DLGAP2: variants seen among roughly 807,000 people sequenced by gnomAD.
DLGAP2 encodes the protein DLG associated protein 2, also known as disks large-associated protein 2.
DLGAP2 carries 26 observed loss-of-function variants against 100.3 expected under a neutral mutation model. The observed-to-expected ratio is 0.26, with a 90% CI of 0.19 to 0.36. The LOEUF (loss-of-function observed/expected upper bound fraction) is 0.36, where lower values mean the gene tolerates loss of function less well. Among genes scored for constraint, DLGAP2 ranks in the 10% least tolerant of loss-of-function variants. The pLI, the probability that DLGAP2 is intolerant of heterozygous loss-of-function variation, is 1.00. For missense variants in DLGAP2, 1,858 were observed against 1,453.2 expected (o/e 1.28, Z -4.53); for synonymous variants, 886 against 630.1 (o/e 1.41, Z -6.08).
Position 1,507,724 on chromosome 8 carries a change from C to T in DLGAP2, c.172+6293C>T, listed in dbSNP as rs144161436. Reference sequence around the variant, plus strand: ...AGAAGGTAGCAGTCCACCCTCCTGTCTCCCAGGCATTCGTTCACCCAGGTC... The same window carrying T: ...AGAAGGTAGCAGTCCACCCTCCTGTTTCCCAGGCATTCGTTCACCCAGGTC... On this transcript the variant is annotated intron_variant, in intron 4 of 14. Coordinates refer to ENST00000637795, the MANE Select transcript of DLGAP2 (RefSeq NM_001346810.2). Among the ~76,000 whole-genome samples, 421 of 151,584 alleles carry T rather than the reference C, an allele frequency of 2.8e-3. 5 individuals are homozygous for T. The highest frequency in any genetic ancestry group is 0.014 in the Middle Eastern group (4 of 292).
At chr8:755,381 C>T (rs905037660) in intron 1 of DLGAP2, among the ~76,000 whole-genome samples, 1 of 152,096 alleles carries the variant, frequency 6.6e-6, no homozygotes, top group African/African-American at 2.4e-5. Context: ...AACACTTGAA[C>T]ACAGGAGGCA....
chr8:995,982 C>A (rs1443224595), intron 2 of DLGAP2, among the ~76,000 whole-genome samples: 2 of 152,120 alleles, frequency 1.3e-5, no homozygotes, highest in East Asian at 3.9e-4. Flanking sequence ...ACCTGAACAT[C>A]CCTCCCTTTT....
intron 2 of DLGAP2, among the ~76,000 whole-genome samples, chr8:1,036,377 T>C (rs1455627892): frequency 2.6e-5 from 4 of 152,112 alleles, no homozygotes; most frequent in African/African-American, 4.8e-5. Flanking sequence ...CCCCGACGTG[T>C]GGTGTGAGGT....
chr8:1,348,420 G>T (rs1019337730), intron 3 of DLGAP2, among the ~76,000 whole-genome samples: 2 of 150,070 alleles, frequency 1.3e-5, no homozygotes, highest in African/African-American at 2.5e-5. Context: ...CATGGTAACT[G>T]TCTGGAGGCT....
intron 4 of DLGAP2, among the ~76,000 whole-genome samples, chr8:1,547,111 A>G (rs1584913027): frequency 6.6e-6 from 1 of 152,008 alleles, no homozygotes; most frequent in Admixed American, 6.5e-5. Context: ...GACATCTACA[A>G]ATGACGGCAG....
intron 8 of DLGAP2, among the ~76,000 whole-genome samples, chr8:1,638,815 T>G (rs1797830499): frequency 6.6e-6 from 1 of 152,180 alleles, no homozygotes; most frequent in Non-Finnish European, 1.5e-5. Flanking sequence ...GCCGTAATGA[T>G]GGCTCCATTT....
intron 2 of DLGAP2, among the ~76,000 whole-genome samples, chr8:1,233,880 C>A (rs749011740): frequency 6.6e-6 from 1 of 152,134 alleles, no homozygotes; most frequent in Non-Finnish European, 1.5e-5. Flanking sequence ...ATGATAGTGT[C>A]ACACGGATGT....
At chr8:1,552,784 C>T (rs1479619299) in intron 5 of DLGAP2, among the ~76,000 whole-genome samples, 2 of 152,192 alleles carry the variant, frequency 1.3e-5, no homozygotes, top group Admixed American at 6.5e-5. Flanking sequence ...TTCATTTTCA[C>T]CCTTGGTTTG....
At chr8:1,482,626 GC>G (rs1388155540) in intron 3 of DLGAP2, among the ~76,000 whole-genome samples, 1 of 152,250 alleles carries the variant, frequency 6.6e-6, no homozygotes, top group Non-Finnish European at 1.5e-5. Flanking sequence ...TGCTCGGCTG[GC>G]TTCTCCCGCC....
intron 4 of DLGAP2, among the ~76,000 whole-genome samples, chr8:1,537,062 TGG>T (rs1298749443): frequency 3.1e-5 from 1 of 32,314 alleles, no homozygotes; most frequent in Non-Finnish European, 5.6e-5. Context: ...GCAGCACCAC[TGG>T]TATGTGGTAT....
At chr8:1,151,472 G>T (rs1374699573) in intron 2 of DLGAP2, among the ~76,000 whole-genome samples, 3 of 152,172 alleles carry the variant, frequency 2.0e-5, no homozygotes, top group Non-Finnish European at 2.9e-5. Context: ...CGGTGAACAC[G>T]TGCGAAGATG....
At chr8:1,618,504 A>G (rs936331809) in intron 6 of DLGAP2, among the ~76,000 whole-genome samples, 2 of 152,198 alleles carry the variant, frequency 1.3e-5, no homozygotes, top group Non-Finnish European at 2.9e-5. Context: ...AGTAGAATCA[A>G]TGTCATTCAA....
At chr8:1,281,746 T>C (rs980983048) in intron 3 of DLGAP2, among the ~76,000 whole-genome samples, 5 of 152,138 alleles carry the variant, frequency 3.3e-5, no homozygotes, top group African/African-American at 1.2e-4. Context: ...TTGAAAGCCT[T>C]CCCCGGGGAG....
intron 3 of DLGAP2, among the ~76,000 whole-genome samples, chr8:1,451,828 C>A (rs779038427): frequency 3.5e-4 from 53 of 152,200 alleles, no homozygotes; most frequent in Non-Finnish European, 6.6e-4. Flanking sequence ...GTAGCTGGCC[C>A]ACATTCGCTG....
intron 2 of DLGAP2, among the ~76,000 whole-genome samples, chr8:1,167,519 A>C (rs62487547): frequency 0.19 from 28,456 of 152,158 alleles, 2,851 homozygotes; most frequent in Middle Eastern, 0.34. Context: ...AGTGTTGCAG[A>C]CCCAGGGGAT....
intron 2 of DLGAP2, among the ~76,000 whole-genome samples, chr8:1,037,093 G>A (rs1318451421): frequency 6.6e-6 from 1 of 152,042 alleles, no homozygotes; most frequent in African/African-American, 2.4e-5. Flanking sequence ...CCTGGAGAGT[G>A]GGCAGTGTGG....
intron 2 of DLGAP2, among the ~76,000 whole-genome samples, chr8:1,089,463 G>T (rs1028792820): frequency 1.3e-5 from 2 of 152,202 alleles, no homozygotes; most frequent in Non-Finnish European, 2.9e-5. Context: ...AATGGGCCCA[G>T]AGTCAGCTCC....
intron 2 of DLGAP2, among the ~76,000 whole-genome samples, chr8:1,148,219 T>C (rs1342332974): frequency 1.3e-5 from 2 of 152,136 alleles, no homozygotes; most frequent in Non-Finnish European, 2.9e-5. Context: ...ACTTTTCCAT[T>C]TCAGTTGGAT....
At chr8:1,294,709 A>G (rs1454079059) in intron 3 of DLGAP2, among the ~76,000 whole-genome samples, 1 of 152,122 alleles carries the variant, frequency 6.6e-6, no homozygotes, top group African/African-American at 2.4e-5. Context: ...GTTAGATTAT[A>G]AAAGCTTATT....
Sources: allele counts gnomAD v4.1 joint callset (sites outside exome capture counted in the v4.1 genomes callset), GRCh38; gene constraint gnomAD v4.1.1; transcripts MANE v1.5; gene names NCBI Gene and HGNC (gene_info 2026-07-23, HGNC 2026-07-21).